The following CD86 variants were observed in gnomAD, a reference collection of about 807,000 sequenced individuals.
CD86 encodes the protein T-lymphocyte activation antigen CD86.
In CD86, 11 loss-of-function variants were observed where a neutral mutation model predicts 32.1. The ratio of observed to expected loss-of-function variants is 0.34; its 90% CI spans 0.22 to 0.57. CD86 has a LOEUF of 0.57. Ranked by LOEUF, CD86 falls within the 20% of genes least tolerant of loss-of-function variation. The pLI, the probability that CD86 is intolerant of heterozygous loss-of-function variation, is 0.86. For synonymous variants in CD86, 137 were observed against 135.3 expected, an observed-to-expected ratio of 1.01 and a Z score of -0.09; for missense variants, 359 against 398.4, an observed-to-expected ratio of 0.90 and a Z score of 0.84.
chr3:122,101,766 CT>C (rs2073013527), intron 2 of CD86, among the ~76,000 whole-genome samples: 1 of 151,970 alleles, frequency 6.6e-6, no homozygotes, highest in Admixed American at 6.6e-5. Flanking sequence ...AGGGGGCACT[CT>C]TGCATTACAT....
At chr3:122,103,900 C>A (rs2073050695) in intron 3 of CD86, 53 bp downstream of exon 3, 3 of 1,416,712 alleles carry the variant, frequency 2.1e-6, no homozygotes, top group South Asian at 1.3e-5. Context: ...GATGAGACTG[C>A]AAATGAGTTA....
At chr3:122,094,531 C>T (rs910636652) in intron 2 of CD86, among the ~76,000 whole-genome samples, 1 of 152,170 alleles carries the variant, frequency 6.6e-6, no homozygotes, top group Non-Finnish European at 1.5e-5. Flanking sequence ...AAATCAGATT[C>T]TATTTGAATT....
intron 1 of CD86, among the ~76,000 whole-genome samples, chr3:122,072,143 G>T (rs2072497489): frequency 6.7e-6 from 1 of 148,954 alleles, no homozygotes; most frequent in Non-Finnish European, 1.5e-5. Flanking sequence ...TGGACATTTG[G>T]GTTGGTTCCA....
chr3:122,117,033 T>G (rs1266582466), intron 5 of CD86, among the ~76,000 whole-genome samples: 1 of 152,202 alleles, frequency 6.6e-6, no homozygotes, highest in African/African-American at 2.4e-5. Flanking sequence ...TAATTATACC[T>G]CCATAAAGCT....
chr3:122,106,260 T>C lies in CD86; in HGVS notation c.463T>C (p.Leu155=). Residue 155 remains leucine, a synonymous_variant, in exon 4 of 7, where the codon TTG becomes CTG. Transcript: ENST00000330540. The stretch of plus-strand genomic sequence containing the variant: ...TATAACAGAAAATGTGTACATAAAT[T>C]TGACCTGCTCATCTATACACGGTTA... ...SNITENVYIN[L]TCSSIHGYPE... is the part of the protein sequence containing the mutation. 6.2e-7 allele frequency: 1 copy of C among 1,613,330 alleles called. No individual in the cohort carries two copies. The highest frequency in any genetic ancestry group is 8.5e-7 in the Non-Finnish European group (1 of 1,179,654).
intron 2 of CD86, among the ~76,000 whole-genome samples, chr3:122,099,116 G>C (rs2072955723): frequency 6.6e-6 from 1 of 152,170 alleles, no homozygotes; most frequent in South Asian, 2.1e-4. Context: ...AGAATAAGAA[G>C]ACCAAGAACA....
chr3:122,076,871 C>G (rs928899913), intron 1 of CD86, among the ~76,000 whole-genome samples: 3 of 152,178 alleles, frequency 2.0e-5, no homozygotes, highest in Non-Finnish European at 4.4e-5. Context: ...GACATTCAAA[C>G]ATGTTCAATA....
intron 1 of CD86, among the ~76,000 whole-genome samples, chr3:122,058,908 A>C (rs745844204): frequency 6.6e-6 from 1 of 152,060 alleles, no homozygotes; most frequent in Non-Finnish European, 1.5e-5. Flanking sequence ...TGCATTTAAG[A>C]GATATTTTAG....
intron 5 of CD86, among the ~76,000 whole-genome samples, chr3:122,114,907 T>TGCATAATATTTCATGATAGA (rs1359167701): frequency 4.6e-5 from 7 of 152,318 alleles, no homozygotes; most frequent in Middle Eastern, 3.4e-3. Context: ...ATTCTTCTGT[T>TGCATAATATTTCATGATAGA]AGCATAATAT....
At chr3:122,118,879 AAG>A (rs2073299022) in intron 6 of CD86, among the ~76,000 whole-genome samples, 1 of 152,174 alleles carries the variant, frequency 6.6e-6, no homozygotes, top group Non-Finnish European at 1.5e-5. Flanking sequence ...TCACAACGTG[AAG>A]CTATCAGATA....
At position 122,091,666 on chromosome 3, in the gene CD86, CT is replaced by C. The variant is rs1442338533; in HGVS notation, c.64+19del. On this transcript the variant is annotated intron_variant, in intron 2 of 6. Coordinates refer to ENST00000330540, the MANE Select transcript of CD86 (RefSeq NM_175862.5). The stretch of plus-strand genomic sequence containing the variant: ...CTGCTCTCTGGTAAGAACCTTTCAG[CT>C]TTGTTAAGTCCTGGAATCCTACTGT... 6.2e-7 allele frequency: 1 copy of C among 1,606,672 alleles called. No individual in the cohort carries two copies. The highest frequency in any genetic ancestry group is 1.1e-5 in the South Asian group (1 of 90,884).
intron 1 of CD86, among the ~76,000 whole-genome samples, chr3:122,067,814 C>G (rs918253064): frequency 6.6e-6 from 1 of 152,178 alleles, no homozygotes; most frequent in African/African-American, 2.4e-5. Context: ...TTGACACCTT[C>G]TTTTATCAGA....
In CD86 at chr3:122,113,999, C is replaced by G. The variant is rs138336574; in HGVS notation, c.848-4049C>G. 3.3e-5 allele frequency among the ~76,000 whole-genome samples: 5 copies of G among 152,164 alleles called. No individual in the cohort carries two copies. In the South Asian group the frequency reaches 1.0e-3, roughly 32 times the overall value. The stretch of plus-strand genomic sequence containing the variant: ...GGGGTGGTGGCTCACACCTGTAATC[C>G]CAGCACTTTTGGAGGCTGAGGCAGG... On this transcript the variant is annotated intron_variant, in intron 5 of 6. Transcript: ENST00000330540.
intron 2 of CD86, 67 bp from the exon 3 acceptor site, chr3:122,103,445 G>A (rs956833120): frequency 3.9e-6 from 4 of 1,020,952 alleles, no homozygotes; most frequent in Non-Finnish European, 4.4e-6. Context: ...ATTGTATAAA[G>A]AGAAATGGAG....
At position 122,106,251 on chromosome 3, in the gene CD86, T is replaced by C. The variant is rs760371523; in HGVS notation, c.454T>C (p.Tyr152His). 1.4e-5 allele frequency: 22 copies of C among 1,612,684 alleles called. No individual in the cohort carries two copies. The Admixed American group carries it at 3.7e-4, about 27-fold the overall frequency. ...AATTTCTAATATAACAGAAAATGTG[T>C]ACATAAATTTGACCTGCTCATCTAT... is the stretch of plus-strand genomic sequence containing the variant. ...VPISNITENV[Y>H]INLTCSSIHG... is the part of the protein sequence containing the mutation. The change falls in exon 4 of 7, where the codon TAC becomes CAC. Residue 152 changes from tyrosine to histidine, a missense_variant. Physicochemically the swap from Tyr to His is moderately conservative, Grantham distance 83. Coordinates refer to ENST00000330540, the MANE Select transcript of CD86 (RefSeq NM_175862.5).
chr3:122,097,365 G>A (rs2072923997), intron 2 of CD86, among the ~76,000 whole-genome samples: 1 of 152,164 alleles, frequency 6.6e-6, no homozygotes, highest in South Asian at 2.1e-4. Context: ...GCTGAGCTGG[G>A]AGAGAGAGAG....
chr3:122,075,941 T>C (rs564714999), intron 1 of CD86, among the ~76,000 whole-genome samples: 4 of 152,310 alleles, frequency 2.6e-5, no homozygotes, highest in African/African-American at 7.2e-5. Flanking sequence ...CGTCATGACA[T>C]GCCTATGAGA....
chr3:122,112,223 C>A (rs946866504), intron 5 of CD86, among the ~76,000 whole-genome samples: 1 of 152,116 alleles, frequency 6.6e-6, no homozygotes, highest in Non-Finnish European at 1.5e-5. Flanking sequence ...GCTTGCCTCC[C>A]TAGAACAAAC....
rs1367461002 is a variant in CD86, at chr3:122,106,280, C to T, written c.483C>T (p.His161=). 17 of 1,613,204 alleles carry T rather than the reference C, an allele frequency of 1.1e-5. No homozygotes were observed. The highest frequency in any genetic ancestry group is 4.0e-5 in the African/African-American group (3 of 74,890). The change falls in exon 4 of 7, where the codon CAC becomes CAT. Residue 161 remains histidine, a synonymous_variant. Transcript: ENST00000330540. ...VYINLTCSSI[H]GYPEPKKMSV... is the part of the protein sequence containing the mutation. ...TAAATTTGACCTGCTCATCTATACACGGTTACCCAGAACCTAAGAAGATGA... is the reference window on the plus strand; with the variant it reads ...TAAATTTGACCTGCTCATCTATACATGGTTACCCAGAACCTAAGAAGATGA...
Sources: allele counts gnomAD v4.1 joint callset (sites outside exome capture counted in the v4.1 genomes callset), GRCh38; gene constraint gnomAD v4.1.1; transcripts MANE v1.5; gene names NCBI Gene and HGNC (gene_info 2026-07-23, HGNC 2026-07-21).